Variants in TULP4 observed in about 807,000 individuals in gnomAD.
TULP4 encodes TUB like protein 4, also known as tubby-related protein 4.
TULP4 carries 16 observed loss-of-function variants against 129.0 expected under a neutral mutation model. The ratio of observed to expected loss-of-function variants is 0.12; its 90% CI spans 0.08 to 0.19. The LOEUF is 0.19. TULP4 is among the 10% of genes least tolerant of loss of function. The probability of loss-of-function intolerance (pLI) is 1.00; values close to 1 mark genes in which losing one functional copy is unlikely to be tolerated. For missense variants in TULP4, 1,842 were observed against 2,059.1 expected (o/e 0.89, Z 2.04); for synonymous variants, 998 against 854.0 (o/e 1.17, Z -2.94).
chr6:158,422,635 T>C (rs1262630354), intron 2 of TULP4, among the ~76,000 whole-genome samples: 1 of 151,780 alleles, frequency 6.6e-6, no homozygotes, highest in Non-Finnish European at 1.5e-5. Flanking sequence ...CATACAGAGA[T>C]AGAGGGAGAG....
intron 2 of TULP4, among the ~76,000 whole-genome samples, chr6:158,427,521 G>A (rs2795841): frequency 0.31 from 29,622 of 95,346 alleles, 4,816 homozygotes; most frequent in Middle Eastern, 0.51. Context: ...TTGAGACGGA[G>A]TCTCGCTCTG....
rs577316755 is a variant in TULP4 at position 158,244,998 on chromosome 6, T to A, written n.68+12695T>A. On this transcript the variant is annotated intron_variant and non_coding_transcript_variant, in intron 1 of 1. Transcript: ENST00000620026. ...CAATATAATTTAGACACAATTTTTT[T>A]ATTTTTTTGGAGACAGGGTCTTACT... 1.4e-4 allele frequency among the ~76,000 whole-genome samples: 22 copies of A among 152,190 alleles called. No individual in the cohort carries two copies. In the South Asian group the frequency reaches 3.5e-3, roughly 24 times the overall value.
chr6:158,486,964 A>T (rs1264356577), intron 8 of TULP4, among the ~76,000 whole-genome samples: 1 of 152,018 alleles, frequency 6.6e-6, no homozygotes, highest in Non-Finnish European at 1.5e-5. Flanking sequence ...ACAAAAAAAA[A>T]TGGCCAGGTG....
At chr6:158,240,607 C>T (rs1216653957) in intron 1 of TULP4, among the ~76,000 whole-genome samples, 6 of 100,112 alleles carry the variant, frequency 6.0e-5, no homozygotes, top group African/African-American at 1.6e-4. Flanking sequence ...CGGGCAGAGG[C>T]GCCCCTCACC....
chr6:158,496,414 T>C (rs573624029), intron 11 of TULP4, among the ~76,000 whole-genome samples: 3 of 152,236 alleles, frequency 2.0e-5, no homozygotes, highest in Non-Finnish European at 4.4e-5. Context: ...TTTTAAATAG[T>C]GCTGCATTTG....
chr6:158,506,947 G>T lies in TULP4; in HGVS notation c.*253G>T, dbSNP rs1562597686. 4.1e-6 allele frequency: 2 copies of T among 483,824 alleles called. No homozygotes were observed. The highest frequency in any genetic ancestry group is 7.5e-6 in the Non-Finnish European group (2 of 267,570). The allele number at this position is 483,824 out of a possible 1,614,324, so 30.0% of individuals were successfully genotyped here. A position where few individuals can be genotyped will look rare whatever the true frequency, so the allele number is the denominator to read the frequency against. On this transcript the variant is annotated 3_prime_UTR_variant, in exon 14 of 14. Coordinates refer to ENST00000367097, the MANE Select transcript of TULP4 (RefSeq NM_020245.5). Reference sequence around the variant, plus strand: ...GGCATTTGGAAGCAAAGAGTGCTAGGCACCTGCTGTTCTTTCAGGAAACAG... The same window carrying T: ...GGCATTTGGAAGCAAAGAGTGCTAGTCACCTGCTGTTCTTTCAGGAAACAG...
intron 12 of TULP4, among the ~76,000 whole-genome samples, chr6:158,499,860 T>C (rs74824862): frequency 6.6e-6 from 1 of 151,954 alleles, no homozygotes; most frequent in Non-Finnish European, 1.5e-5. Context: ...GAAAAAAAAA[T>C]GATTTATACT....
intron 1 of TULP4, among the ~76,000 whole-genome samples, chr6:158,296,957 T>C (rs935004384): frequency 6.6e-6 from 1 of 152,176 alleles, no homozygotes; most frequent in Non-Finnish European, 1.5e-5. Flanking sequence ...GCACGTATTA[T>C]CTTGATAAAC....
intron 1 of TULP4, among the ~76,000 whole-genome samples, chr6:158,387,741 A>G (rs1777483029): frequency 6.6e-6 from 1 of 152,108 alleles, no homozygotes; most frequent in South Asian, 2.1e-4. Context: ...TATGCAATTC[A>G]GCTGTGTCAA....
chr6:158,348,667 C>A (rs752650586), intron 1 of TULP4, among the ~76,000 whole-genome samples: 10 of 152,050 alleles, frequency 6.6e-5, no homozygotes, highest in Non-Finnish European at 1.5e-5. Flanking sequence ...GTCATCATGG[C>A]CCGTTCTCGA....
Position 158,461,686 on chromosome 6 carries a change from A to G in TULP4, c.983A>G (p.Asn328Ser), listed in dbSNP as rs777950286. ...AAGAGTGCCATGGTCAAGTTCTACAATGTTCGTGGGGAGCACATCTTCACA... is the reference window on the plus strand; with the variant it reads ...AAGAGTGCCATGGTCAAGTTCTACAGTGTTCGTGGGGAGCACATCTTCACA... Reference protein sequence around the residue: ...LLKSAMVKFYNVRGEHIFTLD... With the variant: ...LLKSAMVKFYSVRGEHIFTLD... Residue 328 changes from asparagine to serine, a missense_variant, in exon 6 of 14, where the codon AAT becomes AGT. Coordinates refer to ENST00000367097, the MANE Select transcript of TULP4 (RefSeq NM_020245.5). 8 of 1,614,192 alleles carry G rather than the reference A, an allele frequency of 5.0e-6. No individual in the cohort carries two copies. Among genetic ancestry groups the G allele is most frequent in the Non-Finnish European group, 5.9e-6 (7 of 1,180,028 alleles).
At chr6:158,281,324 C>T (rs1562504672), upstream of TULP4, among the ~76,000 whole-genome samples, 1 of 152,066 alleles carries the variant, frequency 6.6e-6, no homozygotes, top group African/African-American at 2.4e-5. Context: ...AGCAATTCTC[C>T]TGCCTCGGCC....
chr6:158,285,301 A>ACAAATAT (rs1446225083), intron 1 of TULP4, among the ~76,000 whole-genome samples: 54 of 152,334 alleles, frequency 3.5e-4, no homozygotes, highest in African/African-American at 1.2e-3. Flanking sequence ...TTTATTAACA[A>ACAAATAT]TAAACAACAT....
intron 1 of TULP4, among the ~76,000 whole-genome samples, chr6:158,380,910 A>AAAAAAAAAAAAAAAG (rs779845034): frequency 7.4e-6 from 1 of 135,046 alleles, no homozygotes; most frequent in Non-Finnish European, 1.6e-5. Flanking sequence ...AAAAAAAAAA[A>AAAAAAAAAAAAAAAG]AAGAAGAAGA....
chr6:158,261,754 G>T (rs1338609250), intron 1 of TULP4, among the ~76,000 whole-genome samples: 1 of 152,166 alleles, frequency 6.6e-6, no homozygotes, highest in African/African-American at 2.4e-5. Context: ...CATGGCTCCT[G>T]CTGATCAGGG....
chr6:158,331,657 G>A (rs187548552), intron 1 of TULP4, among the ~76,000 whole-genome samples: 233 of 145,854 alleles, frequency 1.6e-3, no homozygotes, highest in African/African-American at 5.2e-3. Context: ...CATTGTTACC[G>A]GAATATCTTT....
At chr6:158,236,795 CTTTTTTTTT>C (rs71030149) in intron 1 of TULP4, among the ~76,000 whole-genome samples, 842 of 63,056 alleles carry the variant, frequency 0.013, 4 homozygotes, top group African/African-American at 0.045. Flanking sequence ...CAATTCTTTT[CTTTTTTTTT>C]TTTTTTTTTT....
chr6:158,368,912 TCTCTGTGCAGCCATAAC>T (rs1777004159), intron 1 of TULP4, among the ~76,000 whole-genome samples: 1 of 152,228 alleles, frequency 6.6e-6, no homozygotes, highest in South Asian at 2.1e-4. Flanking sequence ...GTAGTCTAGG[TCTCTGTGCAGCCATAAC>T]CTCACAGAAA....
chr6:158,246,348 C>T (rs965414494), intron 1 of TULP4, among the ~76,000 whole-genome samples: 5 of 151,930 alleles, frequency 3.3e-5, no homozygotes, highest in African/African-American at 9.7e-5. Context: ...AAGGATTAGC[C>T]GGGCGTGGTG....
Sources: gnomAD v4.1 joint callset for allele counts (sites outside exome capture counted in the v4.1 genomes callset) on GRCh38, gnomAD v4.1.1 for gene constraint, MANE v1.5 for transcripts, NCBI Gene and HGNC (gene_info 2026-07-23, HGNC 2026-07-21) for gene names.